Variants in NDST4 observed in about 807,000 individuals in gnomAD.
The protein encoded by NDST4 is N-heparan sulfate sulfotransferase 4.
Under a neutral mutation model 100.8 loss-of-function variants are expected in NDST4, and 63 were observed. The ratio of observed to expected loss-of-function variants is 0.62; its 90% CI spans 0.51 to 0.77. The LOEUF (loss-of-function observed/expected upper bound fraction) is 0.77, where lower values mean the gene tolerates loss of function less well. NDST4 is among the 30% of genes least tolerant of loss of function. The pLI, the probability that NDST4 is intolerant of heterozygous loss-of-function variation, is 0.00. For missense variants in NDST4, 943 were observed against 1,018.4 expected (o/e 0.93, Z 1.01); for synonymous variants, 377 against 361.8 (o/e 1.04, Z -0.48).
chr4:114,885,608 T>A (rs1000743244), intron 6 of NDST4, among the ~76,000 whole-genome samples: 28 of 152,296 alleles, frequency 1.8e-4, no homozygotes, highest in African/African-American at 6.5e-4. Flanking sequence ...TGTATTTTTA[T>A]GTCAGTTTAT....
intron 6 of NDST4, among the ~76,000 whole-genome samples, chr4:114,925,858 G>T (rs1725376157): frequency 6.6e-6 from 1 of 152,098 alleles, no homozygotes. Flanking sequence ...GTTGCTCTTT[G>T]TGTAGCATGA....
At chr4:115,090,308 T>TA (rs1302354101) in intron 1 of NDST4, among the ~76,000 whole-genome samples, 3 of 151,900 alleles carry the variant, frequency 2.0e-5, no homozygotes, top group African/African-American at 7.2e-5. Context: ...AAAACATTTT[T>TA]AAAAAATGAT....
intron 4 of NDST4, among the ~76,000 whole-genome samples, chr4:114,946,401 T>G (rs1179439617): frequency 1.3e-5 from 2 of 151,976 alleles, no homozygotes; most frequent in East Asian, 3.9e-4. Flanking sequence ...ATTAGAAATA[T>G]GGAGAAAAAT....
At chr4:114,984,478 C>G (rs1726855457) in intron 2 of NDST4, among the ~76,000 whole-genome samples, 1 of 151,974 alleles carries the variant, frequency 6.6e-6, no homozygotes, top group African/African-American at 2.4e-5. Context: ...CTAATACAGT[C>G]TTATATTTTC....
At chr4:114,894,852 A>G (rs1053152008) in intron 6 of NDST4, among the ~76,000 whole-genome samples, 13 of 152,162 alleles carry the variant, frequency 8.5e-5, no homozygotes, top group African/African-American at 3.1e-4. Flanking sequence ...CCTTTTACCC[A>G]TTCAGTATGA....
At chr4:115,002,573 G>A (rs189233098) in intron 2 of NDST4, among the ~76,000 whole-genome samples, 27 of 152,220 alleles carry the variant, frequency 1.8e-4, no homozygotes, top group Admixed American at 1.4e-3. Context: ...CTTTGCTCAC[G>A]CCTATGTCCT....
intron 6 of NDST4, among the ~76,000 whole-genome samples, chr4:114,907,799 G>A (rs1359358541): frequency 2.0e-5 from 3 of 152,006 alleles, no homozygotes; most frequent in Non-Finnish European, 4.4e-5. Context: ...AGAAAAAAGA[G>A]GGCCAAAGAG....
chr4:115,052,091 A>T (rs998202669), intron 2 of NDST4, among the ~76,000 whole-genome samples: 9 of 152,274 alleles, frequency 5.9e-5, no homozygotes, highest in African/African-American at 2.2e-4. Context: ...TTTAAGAAAC[A>T]TCTGTTCAGA....
At chr4:114,920,644 C>T (rs1289597030) in intron 6 of NDST4, among the ~76,000 whole-genome samples, 1 of 152,144 alleles carries the variant, frequency 6.6e-6, no homozygotes, top group Non-Finnish European at 1.5e-5. Context: ...CTAGAGGAGG[C>T]TAGCAGTCAT....
At chr4:115,064,635 T>C (rs1035486475) in intron 2 of NDST4, among the ~76,000 whole-genome samples, 1 of 152,098 alleles carries the variant, frequency 6.6e-6, no homozygotes, top group Admixed American at 6.6e-5. Context: ...GAGGACTTAT[T>C]GTACCTACTG....
chr4:115,028,192 CTT>C (rs1728030914), intron 2 of NDST4, among the ~76,000 whole-genome samples: 1 of 152,016 alleles, frequency 6.6e-6, no homozygotes, highest in South Asian at 2.1e-4. Flanking sequence ...AGTGATAACT[CTT>C]GATTAGATGT....
chr4:114,915,502 A>C (rs79159764), intron 6 of NDST4, among the ~76,000 whole-genome samples: 2,496 of 152,314 alleles, frequency 0.016, 75 homozygotes, highest in African/African-American at 0.058. Flanking sequence ...AATTTTCATG[A>C]ATAAAATTAT....
chr4:114,891,597 T>G (rs923624615), intron 6 of NDST4, among the ~76,000 whole-genome samples: 7 of 152,120 alleles, frequency 4.6e-5, no homozygotes, highest in African/African-American at 1.4e-4. Context: ...ATCATTCTAA[T>G]ACAGAGTCTT....
chr4:114,842,375 A>G (rs1723443442), intron 10 of NDST4, among the ~76,000 whole-genome samples: 1 of 152,030 alleles, frequency 6.6e-6, no homozygotes, highest in Non-Finnish European at 1.5e-5. Context: ...ACCAGTGTCT[A>G]CATTCATCCC....
intron 6 of NDST4, among the ~76,000 whole-genome samples, chr4:114,917,293 A>G (rs1418808113): frequency 6.6e-6 from 1 of 152,176 alleles, no homozygotes; most frequent in Non-Finnish European, 1.5e-5. Flanking sequence ...GATTGTTTGA[A>G]TCTATGAATG....
chr4:114,950,425 C>T (rs1167690054), intron 4 of NDST4, among the ~76,000 whole-genome samples: 1 of 151,966 alleles, frequency 6.6e-6, no homozygotes, highest in South Asian at 2.1e-4. Flanking sequence ...CATTATGATT[C>T]CAATTTTTAT....
chr4:115,080,393 T>G (rs1220634284), intron 1 of NDST4, among the ~76,000 whole-genome samples: 3 of 152,130 alleles, frequency 2.0e-5, no homozygotes, highest in East Asian at 3.8e-4. Context: ...CACCTCGGCC[T>G]CCCAAAATGC....
chr4:114,900,938 AT>A (rs1560803051), intron 6 of NDST4, among the ~76,000 whole-genome samples: 1 of 151,992 alleles, frequency 6.6e-6, no homozygotes, highest in Non-Finnish European at 1.5e-5. Context: ...ATCTCCAAAC[AT>A]TTTGGGGTTT....
intron 2 of NDST4, among the ~76,000 whole-genome samples, chr4:115,020,931 C>T (rs1233253599): frequency 2.6e-5 from 4 of 151,856 alleles, no homozygotes; most frequent in East Asian, 1.9e-4. Context: ...GGCATGGACG[C>T]GGTGAACGGG....
Sources: gnomAD v4.1 joint callset for allele counts (sites outside exome capture counted in the v4.1 genomes callset) on GRCh38, gnomAD v4.1.1 for gene constraint, MANE v1.5 for transcripts, NCBI Gene and HGNC (gene_info 2026-07-23, HGNC 2026-07-21) for gene names.